CADPS: variants seen among roughly 807,000 people sequenced by gnomAD.
The protein encoded by CADPS is calcium-dependent secretion activator 1.
Under a neutral mutation model 167.3 loss-of-function variants are expected in CADPS, and 57 were observed. The ratio of observed to expected loss-of-function variants is 0.34; its 90% confidence interval spans 0.28 to 0.42. CADPS has a LOEUF of 0.42. Ranked by LOEUF, CADPS falls within the 20% of genes least tolerant of loss-of-function variation. The pLI, the probability that CADPS is intolerant of heterozygous loss-of-function variation, is 1.00. For synonymous variants in CADPS, 676 were observed against 635.3 expected (o/e 1.06, Z -0.96); for missense variants, 1,414 against 1,738.1 (o/e 0.81, Z 3.32).
At chr3:62,436,946 G>A (rs543147131) in intron 28 of CADPS, among the ~76,000 whole-genome samples, 141 of 151,962 alleles carry the variant, frequency 9.3e-4, no homozygotes, top group African/African-American at 3.2e-3. Flanking sequence ...GTCAGAAGCC[G>A]CAGAATCAGA....
Position 62,684,747 on chromosome 3 carries a change from T to A in CADPS, c.889-22353A>T, listed in dbSNP as rs576253926. ...AGTTCTAGGTGAGTGTCTTCCCTGG[T>A]TTAAGACATTCAGCAGATTCTATGC... On this transcript the variant is annotated intron_variant, in intron 3 of 29. Transcript: ENST00000383710. 2.6e-5 allele frequency among the ~76,000 whole-genome samples: 4 copies of A among 152,074 alleles called. No homozygotes were observed. The East Asian group carries it at 5.8e-4, about 22-fold the overall frequency.
At chr3:62,471,286 A>T (rs2060577291) in intron 24 of CADPS, among the ~76,000 whole-genome samples, 1 of 152,180 alleles carries the variant, frequency 6.6e-6, no homozygotes, top group African/African-American at 2.4e-5. Context: ...AGTGGTAAAG[A>T]GAAAAGAAGG....
At chr3:62,695,624 T>C (rs1172523601) in intron 3 of CADPS, among the ~76,000 whole-genome samples, 1 of 152,138 alleles carries the variant, frequency 6.6e-6, no homozygotes, top group African/African-American at 2.4e-5. Context: ...GTAAGTTGTC[T>C]TGTCACTAAA....
At chr3:62,619,661 G>A (rs1222041425) in intron 6 of CADPS, among the ~76,000 whole-genome samples, 1 of 152,236 alleles carries the variant, frequency 6.6e-6, no homozygotes, top group African/African-American at 2.4e-5. Context: ...AATCAGGAAA[G>A]ACCATTGTTT....
At chr3:62,588,314 C>G (rs1173921940) in intron 7 of CADPS, among the ~76,000 whole-genome samples, 1 of 57,456 alleles carries the variant, frequency 1.7e-5, no homozygotes, top group African/African-American at 3.8e-5. Context: ...TTTTTTTTTT[C>G]CTAGCAGAAC....
At chr3:62,852,035 T>A (rs1173516343) in intron 1 of CADPS, among the ~76,000 whole-genome samples, 2 of 148,084 alleles carry the variant, frequency 1.4e-5, no homozygotes, top group Non-Finnish European at 3.0e-5. Flanking sequence ...TCATCTTCCA[T>A]TGCTGATACC....
rs1373120349 is a variant in CADPS, at chr3:62,626,503, G to C, written c.1325+19219C>G. ...AATCTTGTACCCCTGGAGATGATTT[G>C]ACATGGCACAAAGACGGGACATCAA... is the stretch of plus-strand genomic sequence containing the variant. On this transcript the variant is annotated intron_variant, in intron 6 of 29. Coordinates refer to ENST00000383710, the MANE Select transcript of CADPS (RefSeq NM_003716.4). 5.7e-6 allele frequency: 4 copies of C among 702,638 alleles called. No individual in the cohort carries two copies. The Admixed American group carries it at 8.0e-5, about 14-fold the overall frequency. The allele number at this position is 702,638 out of a possible 1,614,324, so 43.5% of individuals were successfully genotyped here.
At chr3:62,688,289 C>T (rs961218350) in intron 3 of CADPS, among the ~76,000 whole-genome samples, 2 of 151,838 alleles carry the variant, frequency 1.3e-5, no homozygotes, top group African/African-American at 4.8e-5. Context: ...GCAAATGTCC[C>T]CTAGGGGCAA....
rs1022063909 is a variant in CADPS at position 62,433,380 on chromosome 3, C to T, written c.3777+4724G>A. On this transcript the variant is annotated intron_variant, in intron 28 of 29. Transcript: ENST00000383710. This position sits in a 1 kb window ranked among gnomAD's most constrained non-coding sequence, Gnocchi z 4.7. The stretch of plus-strand genomic sequence containing the variant: ...AAGAATACTGAGTAGCAGCCCCTTC[C>T]GAAGCTGACCACACTGCTTGATTAA... Among the ~76,000 whole-genome samples the T allele has an allele frequency of 2.0e-5, 3 of 152,086 alleles. No homozygotes were observed. Among genetic ancestry groups the T allele is most frequent in the Non-Finnish European group, 4.4e-5 (3 of 68,014 alleles).
chr3:62,617,674 C>T (rs2062537449), intron 6 of CADPS, among the ~76,000 whole-genome samples: 1 of 152,020 alleles, frequency 6.6e-6, no homozygotes. Flanking sequence ...GAGGGGAAGG[C>T]TGTTCAGTAT....
chr3:62,484,277 A>T (rs906192529), intron 21 of CADPS, among the ~76,000 whole-genome samples: 1 of 152,150 alleles, frequency 6.6e-6, no homozygotes, highest in Non-Finnish European at 1.5e-5. Context: ...TTTCATTTGG[A>T]TATTAATAAC....
chr3:62,536,238 G>T, intron 12 of CADPS: 1 of 447,818 alleles, frequency 2.2e-6, no homozygotes, highest in Non-Finnish European at 4.0e-6. Context: ...CTGGGGAATT[G>T]GATCTGTTTC....
At chr3:62,740,642 G>A (rs2080014763) in intron 3 of CADPS, among the ~76,000 whole-genome samples, 2 of 152,002 alleles carry the variant, frequency 1.3e-5, no homozygotes, top group South Asian at 4.1e-4. Context: ...AAACCCCATT[G>A]TTATCTGATA....
chr3:62,873,551 G>A (rs1301853124), intron 1 of CADPS, among the ~76,000 whole-genome samples: 3 of 148,768 alleles, frequency 2.0e-5, no homozygotes, highest in East Asian at 2.0e-4. Flanking sequence ...CCCCGCCACT[G>A]CCCCTCATCT....
chr3:62,544,671 C>T lies in CADPS; in HGVS notation c.1966+5232G>A, dbSNP rs2076191963. ...GAGGCAATTATGCACACATCACATG[C>T]ATCCTAGTTTCAGTATGGAAGCTTA... On this transcript the variant is annotated intron_variant, in intron 11 of 29. Coordinates refer to ENST00000383710, the MANE Select transcript of CADPS (RefSeq NM_003716.4). This position sits in a 1 kb window ranked among gnomAD's most constrained non-coding sequence, Gnocchi z 4.4. Among the ~76,000 whole-genome samples the T allele has an allele frequency of 6.6e-6, 1 of 152,098 alleles. No homozygotes were observed. The highest frequency in any genetic ancestry group is 1.5e-5 in the Non-Finnish European group (1 of 68,002).
At chr3:62,520,812 G>T (rs184688564) in intron 13 of CADPS, among the ~76,000 whole-genome samples, 132 of 152,284 alleles carry the variant, frequency 8.7e-4, no homozygotes, top group African/African-American at 3.0e-3. Context: ...TTGTAACCAG[G>T]TCAGTTAAAA....
At chr3:62,624,343 A>G (rs2063657648) in intron 6 of CADPS, among the ~76,000 whole-genome samples, 1 of 152,096 alleles carries the variant, frequency 6.6e-6, no homozygotes. Flanking sequence ...ATCCCAGTGT[A>G]TTTGCAAACC....
chr3:62,466,387 T>G lies in CADPS; in HGVS notation c.3504A>C (p.Glu1168Asp), dbSNP rs2059936656. 6.2e-6 allele frequency: 10 copies of G among 1,611,326 alleles called. No homozygotes were observed. The highest frequency in any genetic ancestry group is 8.5e-6 in the Non-Finnish European group (10 of 1,177,734). ...TTTCTTTAACAGTTTCTTCAATTAG[T>G]TCGTCTATTTTTGAATGGTATTGAT... Reference protein sequence around the residue: ...QEHQYHSKIDELIEETVKEMI... With the variant: ...QEHQYHSKIDDLIEETVKEMI... The change falls in exon 25 of 30, where the codon GAA becomes GAC. Residue 1168 changes from glutamate to aspartate, a missense_variant. This residue lies in a region of CADPS where 185 missense variants were observed against 251.5 expected (regional missense o/e 0.74). Coordinates refer to ENST00000383710, the MANE Select transcript of CADPS (RefSeq NM_003716.4).
chr3:62,817,617 C>T (rs1308015163), intron 1 of CADPS, among the ~76,000 whole-genome samples: 3 of 152,032 alleles, frequency 2.0e-5, no homozygotes, highest in Admixed American at 6.6e-5. Flanking sequence ...AAAGAGAAAA[C>T]GTCCATGGTT....
Sources: gnomAD v4.1 joint callset for allele counts (sites outside exome capture counted in the v4.1 genomes callset) on GRCh38, gnomAD v4.1.1 for gene constraint, gnomAD v4.1.1 regional missense constraint, Gnocchi (gnomAD v3.1) non-coding constraint, MANE v1.5 for transcripts, NCBI Gene and HGNC (gene_info 2026-07-23, HGNC 2026-07-21) for gene names.